The following RAD18 variants were observed in gnomAD, a reference collection of about 807,000 sequenced individuals.
The protein encoded by RAD18 is E3 ubiquitin-protein ligase RAD18.
RAD18 carries 47 observed loss-of-function variants against 60.4 expected under a neutral mutation model. The ratio of observed to expected loss-of-function variants is 0.78; its 90% confidence interval spans 0.62 to 0.99. The LOEUF (loss-of-function observed/expected upper bound fraction) is 0.99, where lower values mean the gene tolerates loss of function less well. Ranked by LOEUF, RAD18 falls within the 50% of genes least tolerant of loss-of-function variation. The probability of loss-of-function intolerance (pLI) is 0.00; values close to 1 mark genes in which losing one functional copy is unlikely to be tolerated. For missense variants in RAD18, 640 were observed against 593.3 expected (o/e 1.08, Z -0.82); for synonymous variants, 225 against 195.5 (o/e 1.15, Z -1.26).
chr3:8,923,288 T>A (rs1940364097), intron 7 of RAD18, among the ~76,000 whole-genome samples: 1 of 152,234 alleles, frequency 6.6e-6, no homozygotes, highest in African/African-American at 2.4e-5. Context: ...AGTAGCCGAT[T>A]CGATCAATTG....
chr3:8,958,161 C>T (rs941056520), intron 2 of RAD18, among the ~76,000 whole-genome samples: 4 of 152,188 alleles, frequency 2.6e-5, no homozygotes, highest in African/African-American at 7.2e-5. Context: ...TCACTGCTAC[C>T]CTCTTACTAT....
chr3:8,929,732 C>T (rs1305371986), intron 7 of RAD18, among the ~76,000 whole-genome samples: 3 of 152,056 alleles, frequency 2.0e-5, no homozygotes, highest in Non-Finnish European at 4.4e-5. Flanking sequence ...ACCTCCGCCT[C>T]CTGGGTTCAC....
At chr3:8,882,980 T>C (rs570547777) in intron 12 of RAD18, among the ~76,000 whole-genome samples, 60 of 152,280 alleles carry the variant, frequency 3.9e-4, no homozygotes, top group African/African-American at 1.4e-3. Flanking sequence ...AAAAACCCAT[T>C]TCGAGATGGA....
intron 7 of RAD18, among the ~76,000 whole-genome samples, chr3:8,922,580 G>A (rs199988981): frequency 1.3e-5 from 2 of 152,228 alleles, no homozygotes; most frequent in East Asian, 3.9e-4. Context: ...GGTTCTTCCA[G>A]CATGCAGCTT....
intron 2 of RAD18, among the ~76,000 whole-genome samples, chr3:8,957,289 C>A (rs1559803327): frequency 6.6e-6 from 1 of 152,062 alleles, no homozygotes; most frequent in Admixed American, 6.6e-5. Flanking sequence ...AGTGAACATC[C>A]CAGCAGGCTT....
rs427428 is a variant in RAD18 at position 8,902,095 on chromosome 3, T to C, written c.1168+285A>G. ...AGGATCTCCACCAATAAATTCTATA[T>C]CTAGAAAACATCCTGAAGCTTAAAT... On this transcript the variant is annotated intron_variant, in intron 10 of 12. Transcript: ENST00000264926. Among the ~76,000 whole-genome samples, 131,700 of 152,170 alleles carry C rather than the reference T, an allele frequency of 0.87. 57,359 individuals are homozygous for C. The highest frequency in any genetic ancestry group is 0.94 in the African/African-American group (39,129 of 41,536).
At chr3:8,958,184 G>T (rs1412371041) in intron 2 of RAD18, among the ~76,000 whole-genome samples, 1 of 152,068 alleles carries the variant, frequency 6.6e-6, no homozygotes, top group Non-Finnish European at 1.5e-5. Flanking sequence ...CTTCTCCACA[G>T]AAACTTTTCC....
chr3:8,943,613 T>C (rs1252642122), intron 4 of RAD18, among the ~76,000 whole-genome samples: 1 of 151,504 alleles, frequency 6.6e-6, no homozygotes, highest in Admixed American at 6.6e-5. Context: ...TCAGCAATAC[T>C]AGAAAAACCA....
At position 8,902,419 on chromosome 3, in the gene RAD18, C is replaced by G. The variant is rs1198993456; in HGVS notation, c.1129G>C (p.Glu377Gln). ...MSQKTVTITK[E>Q]DESTEKLSSV... ...GATAGCTTTTCTGTAGATTCATCTT[C>G]TTTTGTTATTGTTACTGTTTTTTGT... Residue 377 changes from glutamate (E) to glutamine (Q), a missense_variant, in exon 10 of 13, where the codon GAA becomes CAA. Coordinates refer to ENST00000264926, the MANE Select transcript of RAD18 (RefSeq NM_020165.4). 3 of 1,609,352 alleles carry G rather than the reference C, an allele frequency of 1.9e-6. No individual in the cohort carries two copies. Among genetic ancestry groups the G allele is most frequent in the Non-Finnish European group, 2.5e-6 (3 of 1,177,334 alleles).
intron 11 of RAD18, among the ~76,000 whole-genome samples, chr3:8,894,494 T>C (rs1040187901): frequency 6.6e-6 from 1 of 152,176 alleles, no homozygotes; most frequent in Non-Finnish European, 1.5e-5. Flanking sequence ...ATTCCATTTT[T>C]TTCAATGAGG....
At chr3:8,914,018 G>A (rs383639) in intron 7 of RAD18, among the ~76,000 whole-genome samples, 105,038 of 152,030 alleles carry the variant, frequency 0.69, 36,834 homozygotes, top group Middle Eastern at 0.76. Flanking sequence ...AGAAGTCTCA[G>A]TGAAATATGA....
chr3:8,946,417 C>T (rs1185856916), intron 4 of RAD18, among the ~76,000 whole-genome samples: 2 of 152,234 alleles, frequency 1.3e-5, no homozygotes, highest in African/African-American at 4.8e-5. Flanking sequence ...TCTCAGAACA[C>T]ATCCCTGTTA....
chr3:8,902,759 TC>T (rs1316841846), intron 9 of RAD18, among the ~76,000 whole-genome samples: 1 of 151,964 alleles, frequency 6.6e-6, no homozygotes, highest in Non-Finnish European at 1.5e-5. Flanking sequence ...AGGTGTGGTA[TC>T]ACATGCCTGT....
At chr3:8,916,335 T>G (rs1940199591) in intron 7 of RAD18, among the ~76,000 whole-genome samples, 1 of 152,174 alleles carries the variant, frequency 6.6e-6, no homozygotes, top group African/African-American at 2.4e-5. Flanking sequence ...CCTCCTTTTC[T>G]GCCTGCCACA....
intron 7 of RAD18, among the ~76,000 whole-genome samples, chr3:8,925,154 A>G (rs1026783825): frequency 1.4e-4 from 21 of 152,312 alleles, no homozygotes; most frequent in African/African-American, 5.1e-4. Context: ...GAAAATTAAT[A>G]GACTGCTAGC....
rs1443230790 is a variant in RAD18 at position 8,963,399 on chromosome 3, G to T, written c.-14C>A. The T allele has an allele frequency of 6.3e-7, 1 of 1,581,600 alleles. No homozygotes were observed. Among genetic ancestry groups the T allele is most frequent in the South Asian group, 1.1e-5 (1 of 87,170 alleles). On this transcript the variant is annotated 5_prime_UTR_variant, in exon 1 of 13. Coordinates refer to ENST00000264926, the MANE Select transcript of RAD18 (RefSeq NM_020165.4). ...CAGGGAGTCCATGGTCGCTCCCGAG[G>T]ATGCTGGGGGTCAGCCACCCACTAG...
chr3:8,899,083 TACA>T, intron 10 of RAD18, 36 bp from the exon 11 acceptor site: 3 of 1,502,276 alleles, frequency 2.0e-6, no homozygotes, highest in Middle Eastern at 1.8e-4. Flanking sequence ...CCTTAAAATC[TACA>T]ACTTCTGTAT....
At chr3:8,949,537 A>C (rs1259476630) in intron 2 of RAD18, among the ~76,000 whole-genome samples, 1 of 152,226 alleles carries the variant, frequency 6.6e-6, no homozygotes, top group East Asian at 1.9e-4. Flanking sequence ...CCGATTCAGC[A>C]TGTAAGGGGC....
chr3:8,877,139 A>T lies in RAD18; in HGVS notation c.*4218T>A, dbSNP rs939034913. 6.6e-6 allele frequency: 1 copy of T among 152,232 alleles called. No individual in the cohort carries two copies. Among genetic ancestry groups the T allele is most frequent in the Non-Finnish European group, 1.5e-5 (1 of 68,042 alleles). The allele number at this position is 152,232 out of a possible 1,614,324, so 9.4% of individuals were successfully genotyped here. ...ATCAAAGGAGTCAGAAGATGCATGCATCAGTTTCTGGGTGTCCATTTGTGC... is the reference window on the plus strand; with the variant it reads ...ATCAAAGGAGTCAGAAGATGCATGCTTCAGTTTCTGGGTGTCCATTTGTGC... On this transcript the variant is annotated 3_prime_UTR_variant, in exon 13 of 13. Coordinates refer to ENST00000264926, the MANE Select transcript of RAD18 (RefSeq NM_020165.4).
Sources: gnomAD v4.1 joint callset for allele counts (sites outside exome capture counted in the v4.1 genomes callset) on GRCh38, gnomAD v4.1.1 for gene constraint, MANE v1.5 for transcripts, NCBI Gene and HGNC (gene_info 2026-07-23, HGNC 2026-07-21) for gene names.